The following RASA3 variants were observed in gnomAD, a reference collection of about 807,000 sequenced individuals.
The protein encoded by RASA3 is RAS p21 protein activator 3.
In RASA3, 73 loss-of-function variants were observed where a neutral mutation model predicts 110.0. The observed-to-expected ratio is 0.66, with a 90% CI of 0.55 to 0.81. The LOEUF is 0.81. Ranked by LOEUF, RASA3 falls within the 30% of genes least tolerant of loss-of-function variation. The pLI, the probability that RASA3 is intolerant of heterozygous loss-of-function variation, is 0.00. For missense variants in RASA3, 976 were observed against 1,113.2 expected (o/e 0.88, Z 1.75); for synonymous variants, 500 against 451.4 (o/e 1.11, Z -1.37).
At chr13:114,043,845 C>CCCCGCCTCACTCGCTGAGCCCCCCCA (rs2078987475) in intron 3 of RASA3, among the ~76,000 whole-genome samples, 6 of 46,694 alleles carry the variant, frequency 1.3e-4, no homozygotes, top group South Asian at 8.3e-4. Flanking sequence ...GAGCCCCCCG[C>CCCCGCCTCACTCGCTGAGCCCCCCCA]CCCGCCTCAC....
intron 2 of RASA3, among the ~76,000 whole-genome samples, chr13:114,059,682 T>C (rs1199765535): frequency 6.6e-6 from 1 of 152,248 alleles, no homozygotes; most frequent in East Asian, 1.9e-4. Context: ...TGGAGGTTTC[T>C]TCCTCTGCCC....
chr13:114,067,910 G>C (rs1004677869), intron 2 of RASA3, among the ~76,000 whole-genome samples: 1 of 152,146 alleles, frequency 6.6e-6, no homozygotes, highest in Non-Finnish European at 1.5e-5. Flanking sequence ...ACAAACAAAA[G>C]AACAAGAACT....
At chr13:114,018,359 T>G in intron 10 of RASA3, 107 bp from the exon 11 acceptor site, 1 of 1,344,338 alleles carries the variant, frequency 7.4e-7, no homozygotes, top group South Asian at 1.5e-5. Flanking sequence ...GATACGGCTC[T>G]TTGCTGAGAC....
At chr13:114,040,897 CGAA>C in intron 4 of RASA3, 100 bp downstream of exon 4, 1 of 1,112,444 alleles carries the variant, frequency 9.0e-7, no homozygotes, top group Non-Finnish European at 1.3e-6. Context: ...CAGTCAAGGC[CGAA>C]GCCCGATCTA....
rs1019649099 is a variant in RASA3, at chr13:114,114,907, C to T, written c.55+17528G>A. ...CTAAGCTGGTAAGCTGGGAAATTCC[C>T]GGGCACGACCCCTGGCCGTGGGTGA... On this transcript the variant is annotated intron_variant, in intron 1 of 23. Coordinates refer to ENST00000334062, the MANE Select transcript of RASA3 (RefSeq NM_007368.4). The surrounding 1 kb of genome is among the most constrained non-coding windows in gnomAD (Gnocchi z 4.8). Among the ~76,000 whole-genome samples the T allele has an allele frequency of 2.6e-5, 4 of 152,116 alleles. No individual in the cohort carries two copies. The highest frequency in any genetic ancestry group is 1.3e-4 in the Admixed American group (2 of 15,282).
At chr13:114,051,706 G>C (rs978012805) in intron 3 of RASA3, among the ~76,000 whole-genome samples, 37 of 150,856 alleles carry the variant, frequency 2.5e-4, no homozygotes, top group African/African-American at 8.7e-4. Context: ...GTGGTGAGGA[G>C]GGAGGCCCCA....
intron 1 of RASA3, among the ~76,000 whole-genome samples, chr13:114,102,032 C>T (rs892275683): frequency 5.3e-5 from 8 of 152,156 alleles, no homozygotes; most frequent in African/African-American, 9.7e-5. Context: ...TGCCCAGCAC[C>T]GAAGGACCTG....
Position 114,003,199 on chromosome 13 carries a change from G to A in RASA3, c.1743-2267C>T, listed in dbSNP as rs139943701. ...CGGAGGAGAAGCTGATCCAGGGGCTGGAAACTCGAGGGCCTGATGGACCAA... is the reference window on the plus strand; with the variant it reads ...CGGAGGAGAAGCTGATCCAGGGGCTAGAAACTCGAGGGCCTGATGGACCAA... On this transcript the variant is annotated intron_variant, in intron 18 of 23. Coordinates refer to ENST00000334062, the MANE Select transcript of RASA3 (RefSeq NM_007368.4). 4.5e-3 allele frequency among the ~76,000 whole-genome samples: 687 copies of A among 152,336 alleles called. 4 individuals are homozygous for A. Among genetic ancestry groups the A allele is most frequent in the African/African-American group, 0.015 (643 of 41,572 alleles).
At chr13:114,022,017 C>T (rs2053937800) in intron 8 of RASA3, among the ~76,000 whole-genome samples, 1 of 152,096 alleles carries the variant, frequency 6.6e-6, no homozygotes, top group Non-Finnish European at 1.5e-5. Flanking sequence ...TTGCCCACAA[C>T]AGGCCCAGCA....
chr13:114,100,686 C>G (rs2080046863), intron 1 of RASA3, among the ~76,000 whole-genome samples: 2 of 152,218 alleles, frequency 1.3e-5, no homozygotes, highest in Non-Finnish European at 2.9e-5. Context: ...ACAGCCTCAA[C>G]TCGGAAAATC....
chr13:113,999,972 TG>T (rs1213225970), intron 19 of RASA3, among the ~76,000 whole-genome samples: 2 of 18,906 alleles, frequency 1.1e-4, no homozygotes, highest in East Asian at 5.0e-3. Flanking sequence ...GGGTCTCTGC[TG>T]GGGGGGTCTC....
At chr13:113,989,088 C>A (rs571996009) in intron 22 of RASA3, among the ~76,000 whole-genome samples, 3 of 148,088 alleles carry the variant, frequency 2.0e-5, no homozygotes, top group Non-Finnish European at 3.0e-5. Context: ...GTCAGTCCAC[C>A]GATCACTCAC....
At chr13:114,024,738 G>C (rs958557514) in intron 7 of RASA3, among the ~76,000 whole-genome samples, 2 of 152,190 alleles carry the variant, frequency 1.3e-5, no homozygotes, top group African/African-American at 4.8e-5. Flanking sequence ...AGCCAGCGCC[G>C]CCCTCCCGTG....
intron 1 of RASA3, among the ~76,000 whole-genome samples, chr13:114,126,132 GT>G: frequency 1.6e-5 from 2 of 121,774 alleles, no homozygotes. Context: ...GGCACCTGCT[GT>G]CCAACCTCGC....
intron 21 of RASA3, among the ~76,000 whole-genome samples, chr13:113,995,746 G>GGA (rs1235458107): frequency 1.4e-5 from 1 of 69,132 alleles, no homozygotes; most frequent in Admixed American, 1.2e-4. Context: ...GCTGACGGGG[G>GGA]CCCGGCTGAC....
chr13:114,051,641 G>T (rs1413616223), intron 3 of RASA3, among the ~76,000 whole-genome samples: 2 of 75,802 alleles, frequency 2.6e-5, no homozygotes, highest in Non-Finnish European at 5.2e-5. Flanking sequence ...ACCCCCACCC[G>T]CCCTTCCTGT....
rs569524273 is a variant in RASA3, at chr13:114,011,830, G to A, written c.1513-582C>T. 3.2e-4 allele frequency among the ~76,000 whole-genome samples: 49 copies of A among 152,072 alleles called. No individual in the cohort carries two copies. The highest frequency in any genetic ancestry group is 4.6e-4 in the Admixed American group (7 of 15,278). On this transcript the variant is annotated intron_variant, in intron 15 of 23. Coordinates refer to ENST00000334062, the MANE Select transcript of RASA3 (RefSeq NM_007368.4). This position sits in a 1 kb window ranked among gnomAD's most constrained non-coding sequence, Gnocchi z 4.8. ...CAAGCTACTAGGGAGGCTGACGCAC[G>A]AGAATTGCTTGAACCCAGGAGGCAG...
intron 4 of RASA3, among the ~76,000 whole-genome samples, chr13:114,030,901 CTA>C (rs1594353824): frequency 2.1e-5 from 3 of 145,240 alleles, no homozygotes; most frequent in Admixed American, 2.1e-4. Context: ...CTGTGTGTGT[CTA>C]TGTGTGTCTG....
chr13:114,077,310 G>C (rs1378891668), intron 1 of RASA3, among the ~76,000 whole-genome samples: 1 of 151,990 alleles, frequency 6.6e-6, no homozygotes, highest in East Asian at 1.9e-4. Flanking sequence ...ATGATGCCCA[G>C]TCCCACCGCA....
Sources: allele counts gnomAD v4.1 joint callset (sites outside exome capture counted in the v4.1 genomes callset), GRCh38; gene constraint gnomAD v4.1.1; non-coding constraint Gnocchi (gnomAD v3.1); transcripts MANE v1.5; gene names NCBI Gene and HGNC (gene_info 2026-07-23, HGNC 2026-07-21).